Variants in NOSIP observed in about 807,000 individuals in gnomAD.
NOSIP encodes the protein nitric oxide synthase interacting protein.
Under a neutral mutation model 36.4 loss-of-function variants are expected in NOSIP, and 25 were observed. That is an observed-to-expected ratio of 0.69 (90% CI 0.50 to 0.96). The LOEUF (loss-of-function observed/expected upper bound fraction) is 0.96. Among genes scored for constraint, NOSIP ranks in the 40% least tolerant of loss-of-function variants. The probability of loss-of-function intolerance (pLI) is 0.00; values close to 1 mark genes in which losing one functional copy is unlikely to be tolerated. For synonymous variants in NOSIP, 187 were observed against 179.2 expected (o/e 1.04, Z -0.35); for missense variants, 370 against 429.0 (o/e 0.86, Z 1.21).
rs376597835 is a variant in NOSIP, at chr19:49,557,089, C to T, written c.418+1G>A. 173 of 1,610,664 alleles carry T rather than the reference C, an allele frequency of 1.1e-4. No individual in the cohort carries two copies. The highest frequency in any genetic ancestry group is 1.5e-4 in the Non-Finnish European group (172 of 1,178,564). On this transcript the variant is annotated splice_donor_variant, in intron 5 of 8. Coordinates refer to ENST00000596358, the MANE Select transcript of NOSIP (RefSeq NM_001270960.2). LOFTEE classifies it high-confidence loss of function. ...CCCACAAGAAGCCCAACCTGAGTCA[C>T]CTGGGCTGGTGCCCGAGAGGGCCTT...
rs777856646 is a variant in NOSIP at position 49,559,924 on chromosome 19, C to T, written c.176+10G>A. On this transcript the variant is annotated intron_variant, in intron 3 of 8. Coordinates refer to ENST00000596358, the MANE Select transcript of NOSIP (RefSeq NM_001270960.2). ...CCACCCAGACCTACCCATCCCTGTT[C>T]CCAGCTCACGTGACAACAGGATCGT... 4 of 1,601,292 alleles carry T rather than the reference C, an allele frequency of 2.5e-6. No individual in the cohort carries two copies. Among genetic ancestry groups the T allele is most frequent in the Middle Eastern group, 3.3e-4 (2 of 6,036 alleles).
Position 49,556,399 on chromosome 19 carries a change from A to G in NOSIP, c.752T>C (p.Val251Ala), listed in dbSNP as rs1417952554. The change falls in exon 8 of 9, where the codon GTG (valine) becomes GCG (alanine). Residue 251 changes from valine (V) to alanine (A), a missense_variant. By Grantham distance (64) the Val-to-Ala change is moderately conservative (BLOSUM62 0). Around this residue, in one of 3 missense-constraint regions of NOSIP, gnomAD observed 315 missense variants for 331.9 expected, o/e 0.95. Transcript: ENST00000596358. ...PSGAVVTLEC[V>A]EKLIRKDMVD... ...CATGTCCTTCCGAATCAGCTTCTCC[A>G]CGCATTCGAGGGTGACCACAGCCCC... 1 of 1,613,612 alleles carries G rather than the reference A, an allele frequency of 6.2e-7. No homozygotes were observed. The highest frequency in any genetic ancestry group is 2.2e-5 in the East Asian group (1 of 44,862).
intron 4 of NOSIP, 124 bp from the exon 5 acceptor site, chr19:49,557,373 G>GGGT: frequency 6.9e-7 from 1 of 1,448,972 alleles, no homozygotes; most frequent in East Asian, 2.5e-5. Context: ...ATGTGGCAGA[G>GGGT]GGTGGTAACT....
At position 49,562,532 on chromosome 19, in the gene NOSIP, G is replaced by A. The variant is rs551788581; in HGVS notation, c.-1-1840C>T. Among the ~76,000 whole-genome samples, 19 of 152,268 alleles carry A rather than the reference G, an allele frequency of 1.2e-4. No homozygotes were observed. The East Asian group carries it at 3.5e-3, about 28-fold the overall frequency. On this transcript the variant is annotated intron_variant, in intron 1 of 8. Transcript: ENST00000596358. ...AGCAAGAGGACTGTTGAGCCCAGGA[G>A]ATGGAGATGAGCCTAGGCAACACAG...
chr19:49,559,239 C>A, intron 3 of NOSIP: 1 of 446,322 alleles, frequency 2.2e-6, no homozygotes, highest in South Asian at 3.5e-5. Flanking sequence ...GCTGTCCTCT[C>A]CCAATAGAGC....
intron 8 of NOSIP, among the ~76,000 whole-genome samples, chr19:49,556,060 T>G (rs1599740863): frequency 8.9e-5 from 8 of 89,490 alleles, no homozygotes; most frequent in African/African-American, 3.3e-4. Flanking sequence ...GTGGAGGGGG[T>G]GGAGCCGTGG....
chr19:49,570,807 GT>G (rs2080474140), intron 1 of NOSIP, among the ~76,000 whole-genome samples: 1 of 151,922 alleles, frequency 6.6e-6, no homozygotes, highest in Non-Finnish European at 1.5e-5. Context: ...ATTCTTAGTT[GT>G]CAACTCCCTT....
rs570150676 is a variant in NOSIP at position 49,555,643 on chromosome 19, G to C, written c.*108C>G. ...AGCGTGCGCTGTAGGAGCACTGTTTGCACGGCCCTGCATCCTCGCCTGCCC... is the reference window on the plus strand; with the variant it reads ...AGCGTGCGCTGTAGGAGCACTGTTTCCACGGCCCTGCATCCTCGCCTGCCC... On this transcript the variant is annotated 3_prime_UTR_variant, in exon 9 of 9. Transcript: ENST00000596358. The C allele has an allele frequency of 1.2e-6, 1 of 855,940 alleles. No individual in the cohort carries two copies. The highest frequency in any genetic ancestry group is 1.5e-5 in the South Asian group (1 of 66,574). The allele number at this position is 855,940 out of a possible 1,614,324, so 53.0% of individuals were successfully genotyped here. A position where few individuals can be genotyped will look rare whatever the true frequency, so the allele number is the denominator to read the frequency against.
chr19:49,561,754 C>T (rs534329271), intron 1 of NOSIP, among the ~76,000 whole-genome samples: 20 of 152,114 alleles, frequency 1.3e-4, no homozygotes, highest in Middle Eastern at 3.4e-3. Context: ...TGGTGGCACA[C>T]GCCAGTAATC....
At chr19:49,571,758 G>A (rs937488508) in intron 1 of NOSIP, among the ~76,000 whole-genome samples, 5 of 152,062 alleles carry the variant, frequency 3.3e-5, no homozygotes, top group African/African-American at 1.2e-4. Flanking sequence ...AGGCTGAGAC[G>A]GGTGGATCAC....
At chr19:49,563,182 G>GT (rs766907529) in intron 1 of NOSIP, among the ~76,000 whole-genome samples, 4,521 of 144,532 alleles carry the variant, frequency 0.031, 84 homozygotes, top group Non-Finnish European at 0.047. Flanking sequence ...TTTTCTTTTT[G>GT]TTTTTTTTTT....
At position 49,564,520 on chromosome 19, in the gene NOSIP, G is replaced by C. The variant is rs1304675279; in HGVS notation, c.-1-3828C>G. Among the ~76,000 whole-genome samples, 7 of 149,366 alleles carry C rather than the reference G, an allele frequency of 4.7e-5. 1 individual carries two copies. In the East Asian group the frequency reaches 1.4e-3, roughly 29 times the overall value. On this transcript the variant is annotated intron_variant, in intron 1 of 8. Coordinates refer to ENST00000596358, the MANE Select transcript of NOSIP (RefSeq NM_001270960.2). ...AGATACCTCCCCACACGCACCACAA[G>C]GGTTGCAATTAGACAGAGGGGTGCA...
intron 4 of NOSIP, 165 bp from the exon 5 acceptor site, chr19:49,557,414 G>A (rs998527935): frequency 4.8e-5 from 68 of 1,431,144 alleles, no homozygotes; most frequent in African/African-American, 1.9e-4. Flanking sequence ...ACCTTACTGC[G>A]TTGTATAGCC....
rs776406609 is a variant in NOSIP, at chr19:49,560,594, C to G, written c.70+28G>C. 6.5e-7 allele frequency: 1 copy of G among 1,549,078 alleles called. No individual in the cohort carries two copies. The highest frequency in any genetic ancestry group is 8.8e-7 in the Non-Finnish European group (1 of 1,138,896). On this transcript the variant is annotated intron_variant, in intron 2 of 8. Coordinates refer to ENST00000596358, the MANE Select transcript of NOSIP (RefSeq NM_001270960.2). This position sits in a 1 kb window ranked among gnomAD's most constrained non-coding sequence, Gnocchi z 4.6. The stretch of plus-strand genomic sequence containing the variant: ...GGGTGACTCCAAGACACAGCCATGT[C>G]CCGCCTCTTCCCACCCCAGCCCTGC...
intron 1 of NOSIP, among the ~76,000 whole-genome samples, chr19:49,569,199 CTTT>C (rs71180641): frequency 3.1e-5 from 4 of 127,420 alleles, no homozygotes; most frequent in Non-Finnish European, 3.4e-5. Context: ...TACAATGATA[CTTT>C]TTTTTTTTTT....
chr19:49,564,550 A>T (rs2080381225), intron 1 of NOSIP, among the ~76,000 whole-genome samples: 1 of 151,696 alleles, frequency 6.6e-6, no homozygotes, highest in Non-Finnish European at 1.5e-5. Context: ...GGTGCAGGCG[A>T]GGACATGGAG....
chr19:49,571,521 C>T (rs915582511), intron 1 of NOSIP, among the ~76,000 whole-genome samples: 49 of 152,126 alleles, frequency 3.2e-4, no homozygotes, highest in African/African-American at 1.2e-3. Context: ...AGAGCAGGAG[C>T]GACCGATGTC....
At chr19:49,561,184 C>T (rs2080329264) in intron 1 of NOSIP, among the ~76,000 whole-genome samples, 1 of 152,130 alleles carries the variant, frequency 6.6e-6, no homozygotes, top group Non-Finnish European at 1.5e-5. Context: ...TTAGCTAAGG[C>T]TTGACCCAAT....
intron 1 of NOSIP, among the ~76,000 whole-genome samples, chr19:49,567,402 T>G (rs1292905930): frequency 2.0e-5 from 3 of 152,188 alleles, no homozygotes; most frequent in Admixed American, 2.0e-4. Context: ...ATTACAGGCG[T>G]GAGCCACCGT....
Sources: gnomAD v4.1 joint callset for allele counts (sites outside exome capture counted in the v4.1 genomes callset) on GRCh38, gnomAD v4.1.1 for gene constraint, gnomAD v4.1.1 regional missense constraint, Gnocchi (gnomAD v3.1) non-coding constraint, MANE v1.5 for transcripts, NCBI Gene and HGNC (gene_info 2026-07-23, HGNC 2026-07-21) for gene names.